ARHGAP29: variants seen among roughly 807,000 people sequenced by gnomAD.
The protein encoded by ARHGAP29 is Rho GTPase activating protein 29.
Under a neutral mutation model 122.6 loss-of-function variants are expected in ARHGAP29, and 43 were observed. That is an observed-to-expected ratio of 0.35 (90% CI 0.27 to 0.45). ARHGAP29 has a LOEUF of 0.45. Among genes scored for constraint, ARHGAP29 ranks in the 20% least tolerant of loss-of-function variants. ARHGAP29 has a pLI of 1.00. For synonymous variants in ARHGAP29, 506 were observed against 497.1 expected, an observed-to-expected ratio of 1.02 and a Z score of -0.24; for missense variants, 1,303 against 1,477.2, an observed-to-expected ratio of 0.88 and a Z score of 1.93.
At chr1:94,306,385 G>A in the ARHGAP29 span, among the ~76,000 whole-genome samples, 3 of 152,188 alleles carry the variant, frequency 2.0e-5, no homozygotes, top group Non-Finnish European at 2.9e-5. Flanking sequence ...CCTCATGGCC[G>A]TGAACTTCAA....
At chr1:94,192,914 A>G in intron 12 of ARHGAP29, 1 of 152,228 alleles carries the variant, frequency 6.6e-6, no homozygotes, top group East Asian at 1.9e-4. Context: ...ATTACTTGTC[A>G]TACAAAGAAC....
the ARHGAP29 span, among the ~76,000 whole-genome samples, chr1:94,296,071 A>AG: frequency 6.6e-6 from 1 of 152,162 alleles, no homozygotes; most frequent in Non-Finnish European, 1.5e-5. Context: ...TTCTCTTTCC[A>AG]AGGTTTCAGT....
At chr1:94,293,595 T>C in the ARHGAP29 span, among the ~76,000 whole-genome samples, 7 of 152,204 alleles carry the variant, frequency 4.6e-5, no homozygotes, top group Non-Finnish European at 7.3e-5. Flanking sequence ...CCAGAGCTGT[T>C]CCTATTTGAC....
At chr1:94,307,547 C>T in the ARHGAP29 span, among the ~76,000 whole-genome samples, 12 of 152,062 alleles carry the variant, frequency 7.9e-5, no homozygotes, top group Non-Finnish European at 1.3e-4. Flanking sequence ...TACCAGTTAT[C>T]AAACAAATTA....
chr1:94,259,262 G>A (rs149448342), intron 1 of ARHGAP29, among the ~76,000 whole-genome samples: 116 of 152,294 alleles, frequency 7.6e-4, no homozygotes, highest in African/African-American at 2.6e-3. Context: ...CACAATTCCA[G>A]TCATCTCTGT....
intron 5 of ARHGAP29, among the ~76,000 whole-genome samples, chr1:94,207,018 T>C (rs1400313817): frequency 6.6e-6 from 1 of 151,538 alleles, no homozygotes; most frequent in Non-Finnish European, 1.5e-5. Context: ...TATTTATTTA[T>C]TTATTTTTGA....
intron 5 of ARHGAP29, among the ~76,000 whole-genome samples, chr1:94,208,013 T>G (rs1651323795): frequency 6.6e-6 from 1 of 152,130 alleles, no homozygotes; most frequent in South Asian, 2.1e-4. Context: ...TCTGGCTAAT[T>G]TTTTGTAGGG....
At chr1:94,200,353 A>G (rs1328286095) in intron 12 of ARHGAP29, among the ~76,000 whole-genome samples, 1 of 152,228 alleles carries the variant, frequency 6.6e-6, no homozygotes, top group African/African-American at 2.4e-5. Context: ...CCACAATTAG[A>G]TAACACACCT....
chr1:94,177,392 C>A, intron 22 of ARHGAP29: 2 of 382,782 alleles, frequency 5.2e-6, no homozygotes, highest in Non-Finnish European at 9.3e-6. Flanking sequence ...TTATAAACTC[C>A]AAGATGTCTT....
At chr1:94,198,470 C>CA (rs1481598516) in intron 12 of ARHGAP29, among the ~76,000 whole-genome samples, 1 of 151,752 alleles carries the variant, frequency 6.6e-6, no homozygotes, top group African/African-American at 2.4e-5. Flanking sequence ...AACCCTGTCT[C>CA]AAAAAACAAA....
At chr1:94,309,782 G>A in the ARHGAP29 span, among the ~76,000 whole-genome samples, 2 of 152,102 alleles carry the variant, frequency 1.3e-5, no homozygotes, top group African/African-American at 4.8e-5. Flanking sequence ...ACAACCAGAG[G>A]GCAGAAGAAG....
intron 11 of ARHGAP29, 159 bp from the exon 12 acceptor site, chr1:94,202,016 G>C: frequency 1.4e-6 from 1 of 695,696 alleles, no homozygotes; most frequent in Non-Finnish European, 2.3e-6. Context: ...TGATTCAAAG[G>C]CAGTTGATTT....
chr1:94,189,003 G>A (rs1272321532), intron 14 of ARHGAP29, 62 bp from the exon 15 acceptor site: 1 of 1,494,592 alleles, frequency 6.7e-7, no homozygotes, highest in East Asian at 2.3e-5. Context: ...GTAAAATACT[G>A]ACATTCTATC....
chr1:94,202,893 C>T, intron 10 of ARHGAP29, 25 bp downstream of exon 10: 4 of 1,579,856 alleles, frequency 2.5e-6, no homozygotes, highest in Non-Finnish European at 3.4e-6. Flanking sequence ...CAAATAGGTA[C>T]ATGAAACTCC....
At chr1:94,215,519 T>G (rs768446764) in intron 3 of ARHGAP29, among the ~76,000 whole-genome samples, 7 of 152,066 alleles carry the variant, frequency 4.6e-5, no homozygotes, top group Non-Finnish European at 1.0e-4. Context: ...TAGATATATG[T>G]GAGAATGTAG....
chr1:94,263,921 G>A (rs1570621887), intron 1 of ARHGAP29, among the ~76,000 whole-genome samples: 1 of 152,154 alleles, frequency 6.6e-6, no homozygotes, highest in East Asian at 1.9e-4. Context: ...CCAGTTAAAA[G>A]TTCTCTGCTA....
In ARHGAP29 at chr1:94,205,185, A is replaced by T; in HGVS notation, c.573T>A (p.Pro191=). The T allele has an allele frequency of 3.2e-6, 5 of 1,583,974 alleles. No individual in the cohort carries two copies. In the African/African-American group the frequency reaches 4.1e-5, roughly 13 times the overall value. ...TTAACAGCACGTTGTCTAGTTCTAA[A>T]GGGGAAAAATTTCCTGAAAACAAAA... The part of the protein sequence containing the change: ...DSSSEKGNFS[P]LELDNVLLKN... The change falls in exon 7 of 23, where the codon CCT becomes CCA. Residue 191 remains proline, a synonymous_variant. Coordinates refer to ENST00000260526, the MANE Select transcript of ARHGAP29 (RefSeq NM_004815.4).
chr1:94,310,197 G>A, the ARHGAP29 span, among the ~76,000 whole-genome samples: 1 of 152,138 alleles, frequency 6.6e-6, no homozygotes, highest in Non-Finnish European at 1.5e-5. Context: ...TCCTCACCTG[G>A]CAGCAATACC....
At chr1:94,279,709 CTG>C, upstream of ARHGAP29, among the ~76,000 whole-genome samples, 1 of 152,280 alleles carries the variant, frequency 6.6e-6, no homozygotes, top group Middle Eastern at 3.4e-3. Flanking sequence ...GCCTAAATTT[CTG>C]TGTTTATCCT....
Sources: gnomAD v4.1 joint callset for allele counts (sites outside exome capture counted in the v4.1 genomes callset) on GRCh38, gnomAD v4.1.1 for gene constraint, MANE v1.5 for transcripts, NCBI Gene and HGNC (gene_info 2026-07-23, HGNC 2026-07-21) for gene names.